PRKCH: variants seen among roughly 807,000 people sequenced by gnomAD.
The protein encoded by PRKCH is protein kinase C eta, also known as protein kinase C eta type.
In PRKCH, 28 loss-of-function variants were observed where a neutral mutation model predicts 82.5. That is an observed-to-expected ratio of 0.34 (90% CI 0.25 to 0.47). The LOEUF (loss-of-function observed/expected upper bound fraction) is 0.47. Among genes scored for constraint, PRKCH ranks in the 20% least tolerant of loss-of-function variants. The pLI is 1.00. For missense variants in PRKCH, 705 were observed against 881.8 expected, an observed-to-expected ratio of 0.80 and a Z score of 2.54; for synonymous variants, 322 against 327.4, an observed-to-expected ratio of 0.98 and a Z score of 0.18.
At chr14:61,458,612 A>C (rs527606172) in intron 9 of PRKCH, among the ~76,000 whole-genome samples, 1 of 152,300 alleles carries the variant, frequency 6.6e-6, no homozygotes, top group East Asian at 1.9e-4. Context: ...GAACTACCTG[A>C]GACGGGGTAA....
intron 1 of PRKCH, among the ~76,000 whole-genome samples, chr14:61,363,582 G>C (rs1458445527): frequency 1.3e-5 from 2 of 152,130 alleles, no homozygotes; most frequent in Non-Finnish European, 2.9e-5. Flanking sequence ...GTATGTAGGG[G>C]CCAAGGTAAT....
At chr14:61,214,140 G>A (rs1235969892) in intron 1 of PRKCH, among the ~76,000 whole-genome samples, 4 of 152,186 alleles carry the variant, frequency 2.6e-5, no homozygotes, top group Non-Finnish European at 4.4e-5. Flanking sequence ...GTGTTTCTGA[G>A]GAAGTGGCCT....
At chr14:61,224,976 CAGA>C (rs1035627895) in intron 1 of PRKCH, among the ~76,000 whole-genome samples, 4 of 152,230 alleles carry the variant, frequency 2.6e-5, no homozygotes, top group African/African-American at 7.2e-5. Context: ...CACACATTGT[CAGA>C]AGAAGTTCAT....
At chr14:61,216,478 A>C (rs139079877) in intron 1 of PRKCH, among the ~76,000 whole-genome samples, 1,660 of 152,250 alleles carry the variant, frequency 0.011, 20 homozygotes, top group African/African-American at 0.038. Context: ...TCAAAAAAAA[A>C]ACAAAAATTA....
intron 2 of PRKCH, among the ~76,000 whole-genome samples, chr14:61,392,719 A>G (rs1193121129): frequency 6.6e-6 from 1 of 152,058 alleles, no homozygotes; most frequent in Non-Finnish European, 1.5e-5. Flanking sequence ...GGTGTCTTTG[A>G]GCAAAAGTTT....
chr14:61,288,417 CATTA>C (rs2140097316), intron 1 of PRKCH, among the ~76,000 whole-genome samples: 1 of 152,194 alleles, frequency 6.6e-6, no homozygotes, highest in Non-Finnish European at 1.5e-5. Flanking sequence ...CTTTCAATTC[CATTA>C]CCTAGGTCAC....
At chr14:61,427,815 G>A (rs889427886) in intron 2 of PRKCH, among the ~76,000 whole-genome samples, 7 of 151,862 alleles carry the variant, frequency 4.6e-5, no homozygotes, top group African/African-American at 1.7e-4. Flanking sequence ...CAAACTCCTG[G>A]GCTCAAGTGA....
chr14:61,236,599 T>C lies in PRKCH; in HGVS notation c.-19+48931T>C, dbSNP rs945152598. On this transcript the variant is annotated intron_variant, in intron 1 of 3. Transcript: ENST00000555185. The stretch of plus-strand genomic sequence containing the variant: ...GGCGGGAGCCTGTAATCCCAGCTAC[T>C]TGGGAGGCTGAGGCAGAGAACTGCT... Among the ~76,000 whole-genome samples, 11 of 150,170 alleles carry C rather than the reference T, an allele frequency of 7.3e-5. 1 individual carries two copies. The Admixed American group carries it at 7.3e-4, about 10-fold the overall frequency.
intron 1 of PRKCH, among the ~76,000 whole-genome samples, chr14:61,380,080 G>A (rs2046481903): frequency 6.6e-6 from 1 of 151,698 alleles, no homozygotes. Flanking sequence ...TTTATTATGG[G>A]GTTTCACTTT....
At chr14:61,258,096 G>A (rs914393496) in intron 1 of PRKCH, among the ~76,000 whole-genome samples, 1 of 152,018 alleles carries the variant, frequency 6.6e-6, no homozygotes, top group African/African-American at 2.4e-5. Flanking sequence ...ATAAAAACTC[G>A]CAATAGTTAA....
intron 9 of PRKCH, among the ~76,000 whole-genome samples, chr14:61,479,925 A>G (rs150347684): frequency 2.8e-4 from 43 of 152,370 alleles, no homozygotes; most frequent in African/African-American, 9.6e-4. Context: ...ACCGGTGTTC[A>G]TCACCCCATG....
intron 1 of PRKCH, among the ~76,000 whole-genome samples, chr14:61,294,322 G>T (rs546350109): frequency 6.6e-6 from 1 of 152,002 alleles, no homozygotes; most frequent in African/African-American, 2.4e-5. Context: ...GGGTTTCGCC[G>T]TGTTAGCCAG....
At chr14:61,298,748 T>C (rs1006026376) in intron 1 of PRKCH, 4 of 152,194 alleles carry the variant, frequency 2.6e-5, no homozygotes, top group Non-Finnish European at 5.9e-5. Context: ...AAAACTCTTT[T>C]TTTCCTGCTT....
chr14:61,400,785 C>G (rs367700726), intron 2 of PRKCH, among the ~76,000 whole-genome samples: 4 of 152,162 alleles, frequency 2.6e-5, no homozygotes, highest in South Asian at 4.1e-4. Context: ...CATTTTCTCT[C>G]TATAACAAAT....
chr14:61,549,166 C>T (rs1253344495), intron 13 of PRKCH, among the ~76,000 whole-genome samples: 2 of 152,152 alleles, frequency 1.3e-5, no homozygotes, highest in African/African-American at 4.8e-5. Flanking sequence ...TCCAGCAGGG[C>T]GTAACGCATC....
chr14:61,455,849 T>C (rs760557690), intron 7 of PRKCH, among the ~76,000 whole-genome samples: 2 of 152,138 alleles, frequency 1.3e-5, no homozygotes, highest in Non-Finnish European at 2.9e-5. Context: ...GGTAGCAACA[T>C]CCTCAGGTAC....
intron 9 of PRKCH, among the ~76,000 whole-genome samples, chr14:61,460,682 G>A (rs1884990052): frequency 1.3e-5 from 2 of 152,172 alleles, no homozygotes; most frequent in African/African-American, 4.8e-5. Context: ...GCAGAGTCCA[G>A]GCAGGCTCTT....
intron 1 of PRKCH, among the ~76,000 whole-genome samples, chr14:61,291,662 T>A (rs1224705891): frequency 6.6e-6 from 1 of 152,160 alleles, no homozygotes; most frequent in East Asian, 1.9e-4. Context: ...AACCATAGCA[T>A]TGATGAACCA....
intron 1 of PRKCH, among the ~76,000 whole-genome samples, chr14:61,249,858 A>G (rs1441578904): frequency 6.6e-6 from 1 of 150,944 alleles, no homozygotes; most frequent in Non-Finnish European, 1.5e-5. Flanking sequence ...TGACCTCGTG[A>G]TCCACCCACC....
Sources: gnomAD v4.1 joint callset for allele counts (sites outside exome capture counted in the v4.1 genomes callset) on GRCh38, gnomAD v4.1.1 for gene constraint, MANE v1.5 for transcripts, NCBI Gene and HGNC (gene_info 2026-07-23, HGNC 2026-07-21) for gene names.